TTC6: variants seen among roughly 807,000 people sequenced by gnomAD.
TTC6 encodes the protein tetratricopeptide repeat protein 6.
A neutral mutation model predicts 210.4 loss-of-function variants in TTC6; 172 were observed. That is an observed-to-expected ratio of 0.82 (90% CI 0.72 to 0.93). The LOEUF (loss-of-function observed/expected upper bound fraction) is 0.93. TTC6 is among the 40% of genes least tolerant of loss of function. The pLI, the probability that TTC6 is intolerant of heterozygous loss-of-function variation, is 0.00. For missense variants in TTC6, 2,414 were observed against 2,318.1 expected (o/e 1.04, Z -0.85); for synonymous variants, 804 against 819.6 (o/e 0.98, Z 0.32).
chr14:37,778,127 G>A (rs1031252988), intron 14 of TTC6, among the ~76,000 whole-genome samples: 2 of 151,816 alleles, frequency 1.3e-5, no homozygotes, highest in African/African-American at 4.8e-5. Flanking sequence ...ACAGTGGGGT[G>A]CATGCTTATC....
intron 29 of TTC6, among the ~76,000 whole-genome samples, chr14:37,830,468 A>G (rs189550351): frequency 6.6e-6 from 1 of 151,704 alleles, no homozygotes; most frequent in Non-Finnish European, 1.5e-5. Flanking sequence ...TAGATGTTGT[A>G]TATTCCTTAA....
At chr14:37,832,410 C>T (rs1342502659) in intron 29 of TTC6, among the ~76,000 whole-genome samples, 1 of 114,678 alleles carries the variant, frequency 8.7e-6, no homozygotes, top group African/African-American at 3.3e-5. Flanking sequence ...TGCATTATTA[C>T]ATTGTTTATT....
chr14:37,708,221 G>GACTT (rs1305355690), intron 5 of TTC6, among the ~76,000 whole-genome samples: 1 of 151,612 alleles, frequency 6.6e-6, no homozygotes, highest in African/African-American at 2.4e-5. Context: ...TAATTATTTT[G>GACTT]ACTTACTGTC....
intron 14 of TTC6, among the ~76,000 whole-genome samples, chr14:37,767,934 G>T (rs1488266761): frequency 6.9e-6 from 1 of 145,388 alleles, no homozygotes; most frequent in Non-Finnish European, 1.5e-5. Flanking sequence ...ATGGTTTTAG[G>T]TCTAATGTTT....
At chr14:37,769,204 C>T (rs1595228947) in intron 14 of TTC6, among the ~76,000 whole-genome samples, 1 of 151,778 alleles carries the variant, frequency 6.6e-6, no homozygotes, top group African/African-American at 2.4e-5. Context: ...TTCGTTTTGC[C>T]AGTATTTTAT....
chr14:37,747,268 G>T (rs1242726820), intron 10 of TTC6, among the ~76,000 whole-genome samples: 1 of 152,040 alleles, frequency 6.6e-6, no homozygotes, highest in Non-Finnish European at 1.5e-5. Flanking sequence ...TGTTTCCTGA[G>T]TCCATCCCTG....
intron 14 of TTC6, among the ~76,000 whole-genome samples, chr14:37,769,273 T>G (rs2096009851): frequency 6.6e-6 from 1 of 151,872 alleles, no homozygotes; most frequent in East Asian, 1.9e-4. Context: ...CTTTTTTGAT[T>G]GTGTCTCTGC....
intron 2 of TTC6, among the ~76,000 whole-genome samples, chr14:37,615,023 A>G (rs1219418676): frequency 6.6e-6 from 1 of 152,182 alleles, no homozygotes; most frequent in Non-Finnish European, 1.5e-5. Context: ...CTGGGATTAC[A>G]GGCATGAGCC....
chr14:37,831,249 T>C (rs2096184342), intron 29 of TTC6, among the ~76,000 whole-genome samples: 1 of 152,126 alleles, frequency 6.6e-6, no homozygotes, highest in African/African-American at 2.4e-5. Context: ...CTGCAAATAA[T>C]AGGATTTTAT....
At chr14:37,608,160 G>C (rs894629115) in intron 2 of TTC6, among the ~76,000 whole-genome samples, 2 of 152,058 alleles carry the variant, frequency 1.3e-5, no homozygotes, top group Non-Finnish European at 2.9e-5. Flanking sequence ...TAAATATTGT[G>C]AAATTTTTAC....
At chr14:37,767,008 T>C (rs942692633) in intron 14 of TTC6, among the ~76,000 whole-genome samples, 6 of 152,206 alleles carry the variant, frequency 3.9e-5, no homozygotes, top group African/African-American at 1.4e-4. Context: ...GTCCATGTGA[T>C]CTCATTGTTC....
exon 20 of TTC6, chr14:37,796,814 A>C: frequency 2.5e-6 from 4 of 1,607,602 alleles, no homozygotes; most frequent in Non-Finnish European, 3.4e-6. Context: ...CCTATGCAGC[A>C]AGCCCTTATT....
chr14:37,753,988 A>T (rs1003445576), intron 14 of TTC6, among the ~76,000 whole-genome samples: 1 of 151,754 alleles, frequency 6.6e-6, no homozygotes, highest in African/African-American at 2.4e-5. Flanking sequence ...TTTTAATCTA[A>T]ATTTTGTTTT....
intron 29 of TTC6, among the ~76,000 whole-genome samples, chr14:37,833,964 T>C (rs1414726916): frequency 1.3e-5 from 2 of 152,218 alleles, no homozygotes; most frequent in East Asian, 3.9e-4. Flanking sequence ...GGTATAGTAT[T>C]CTTGCCTAAC....
At chr14:37,822,809 A>G (rs920720282) in intron 26 of TTC6, among the ~76,000 whole-genome samples, 3 of 152,190 alleles carry the variant, frequency 2.0e-5, no homozygotes, top group Admixed American at 2.0e-4. Context: ...CTGTGCAAGC[A>G]TAGTATGGTA....
At chr14:37,670,189 G>A (rs61988007) in intron 1 of TTC6, among the ~76,000 whole-genome samples, 15,698 of 152,112 alleles carry the variant, frequency 0.1, 1,167 homozygotes, top group East Asian at 0.27. Context: ...TTAATAATAG[G>A]ACAAAGAACT....
intron 21 of TTC6, among the ~76,000 whole-genome samples, chr14:37,805,982 G>A (rs1325274310): frequency 6.6e-6 from 1 of 152,152 alleles, no homozygotes; most frequent in Non-Finnish European, 1.5e-5. Flanking sequence ...TTACAGGAAT[G>A]AGCCACCATG....
chr14:37,821,545 C>G (rs180786014), intron 26 of TTC6, among the ~76,000 whole-genome samples: 204 of 152,184 alleles, frequency 1.3e-3, no homozygotes, highest in Non-Finnish European at 2.5e-3. Context: ...CTTCTTAATG[C>G]TTCACTGTGG....
At chr14:37,757,614 AT>A (rs2139078002) in intron 14 of TTC6, among the ~76,000 whole-genome samples, 1 of 152,060 alleles carries the variant, frequency 6.6e-6, no homozygotes, top group South Asian at 2.1e-4. Flanking sequence ...CTATTTGTTA[AT>A]CTTAAAAAAT....
Sources: gnomAD v4.1 joint callset for allele counts (sites outside exome capture counted in the v4.1 genomes callset) on GRCh38, gnomAD v4.1.1 for gene constraint, MANE v1.5 for transcripts, NCBI Gene and HGNC (gene_info 2026-07-23, HGNC 2026-07-21) for gene names.